LIN7A: variants seen among roughly 807,000 people sequenced by gnomAD.
The protein encoded by LIN7A is lin-7 cell polarity scaffold A.
In LIN7A, 25 loss-of-function variants were observed where a neutral mutation model predicts 29.8. That is an observed-to-expected ratio of 0.84 (90% CI 0.61 to 1.17). The LOEUF is 1.17. Ranked by LOEUF, LIN7A falls within the 50% of genes most tolerant of loss-of-function variation. The pLI is 0.00. For missense variants in LIN7A, 239 were observed against 287.0 expected, an observed-to-expected ratio of 0.83 and a Z score of 1.21; for synonymous variants, 118 against 107.5, an observed-to-expected ratio of 1.10 and a Z score of -0.60.
At chr12:80,915,245 A>G (rs1876974951) in intron 1 of LIN7A, among the ~76,000 whole-genome samples, 1 of 152,156 alleles carries the variant, frequency 6.6e-6, no homozygotes, top group Admixed American at 6.5e-5. Flanking sequence ...AAGACATACA[A>G]GTGACTAATG....
chr12:80,828,432 G>A (rs1302876030), intron 4 of LIN7A, among the ~76,000 whole-genome samples: 1 of 152,014 alleles, frequency 6.6e-6, no homozygotes, highest in African/African-American at 2.4e-5. Context: ...AAATCTCCAA[G>A]ACATTATTAA....
At chr12:80,866,642 A>G (rs1874149002) in intron 2 of LIN7A, among the ~76,000 whole-genome samples, 1 of 152,180 alleles carries the variant, frequency 6.6e-6, no homozygotes, top group Non-Finnish European at 1.5e-5. Context: ...ATGGGCTGAG[A>G]GCTGGGCATT....
chr12:80,920,117 A>G (rs1877228186), intron 1 of LIN7A, among the ~76,000 whole-genome samples: 1 of 152,182 alleles, frequency 6.6e-6, no homozygotes, highest in South Asian at 2.1e-4. Flanking sequence ...TAGTTCACAG[A>G]CCAGTCTCCG....
intron 2 of LIN7A, among the ~76,000 whole-genome samples, chr12:80,882,717 TAATC>T (rs1354085230): frequency 6.6e-6 from 1 of 152,256 alleles, no homozygotes; most frequent in Non-Finnish European, 1.5e-5. Context: ...TTTTATCACT[TAATC>T]CATCAAAATT....
intron 5 of LIN7A, among the ~76,000 whole-genome samples, chr12:80,807,855 A>G (rs1871117795): frequency 1.3e-5 from 2 of 152,186 alleles, no homozygotes; most frequent in Admixed American, 1.3e-4. Context: ...TGCCTGGACT[A>G]CTACACATTA....
intron 1 of LIN7A, among the ~76,000 whole-genome samples, chr12:80,928,132 A>G (rs1189461580): frequency 6.6e-6 from 1 of 152,042 alleles, no homozygotes; most frequent in East Asian, 1.9e-4. Flanking sequence ...GTTGGTTCCA[A>G]GTCTTTGCTG....
intron 2 of LIN7A, among the ~76,000 whole-genome samples, chr12:80,885,232 T>C (rs1875266856): frequency 6.6e-6 from 1 of 152,156 alleles, no homozygotes; most frequent in African/African-American, 2.4e-5. Flanking sequence ...CAACATTTCA[T>C]AATCATCATA....
intron 2 of LIN7A, among the ~76,000 whole-genome samples, chr12:80,867,131 T>G (rs568510946): frequency 6.6e-6 from 1 of 152,214 alleles, no homozygotes; most frequent in East Asian, 1.9e-4. Flanking sequence ...TTCACATTTT[T>G]TGTAGAGACA....
At chr12:80,818,515 G>C (rs559200529) in intron 4 of LIN7A, among the ~76,000 whole-genome samples, 4 of 152,098 alleles carry the variant, frequency 2.6e-5, no homozygotes, top group Non-Finnish European at 4.4e-5. Flanking sequence ...TTCTAGAGTC[G>C]AGGCTCTTAC....
At chr12:80,863,826 G>C (rs751968515) in intron 2 of LIN7A, among the ~76,000 whole-genome samples, 1 of 152,096 alleles carries the variant, frequency 6.6e-6, no homozygotes, top group Non-Finnish European at 1.5e-5. Flanking sequence ...CATAGGGTAA[G>C]GACATTTCTT....
At chr12:80,846,983 T>C (rs1873107334) in intron 3 of LIN7A, among the ~76,000 whole-genome samples, 1 of 152,214 alleles carries the variant, frequency 6.6e-6, no homozygotes, top group Non-Finnish European at 1.5e-5. Flanking sequence ...TACCTTCTTT[T>C]CCACACACAG....
chr12:80,838,043 A>T (rs922136755), intron 4 of LIN7A, among the ~76,000 whole-genome samples: 1 of 152,236 alleles, frequency 6.6e-6, no homozygotes, highest in Admixed American at 6.5e-5. Context: ...AATAAATGGT[A>T]AAAATAACTA....
chr12:80,853,899 G>A (rs1282820566), intron 2 of LIN7A, among the ~76,000 whole-genome samples: 1 of 152,014 alleles, frequency 6.6e-6, no homozygotes, highest in Non-Finnish European at 1.5e-5. Flanking sequence ...TCACTATATT[G>A]TTCAGGCTGG....
chr12:80,841,679 T>C (rs928924217), intron 4 of LIN7A: 1 of 155,632 alleles, frequency 6.4e-6, no homozygotes, highest in African/African-American at 2.4e-5. Context: ...CTTATTAAAA[T>C]AGGCCTATTG....
chr12:80,845,050 A>G (rs2121548836), intron 4 of LIN7A, among the ~76,000 whole-genome samples: 1 of 152,102 alleles, frequency 6.6e-6, no homozygotes, highest in Admixed American at 6.6e-5. Context: ...AATCCTGGCT[A>G]ACATGGTGAA....
At chr12:80,936,617 C>G (rs1257088536) in intron 1 of LIN7A, 2 of 152,334 alleles carry the variant, frequency 1.3e-5, no homozygotes, top group African/African-American at 4.8e-5. Flanking sequence ...AGGACTCGAG[C>G]GCCTTCATCA....
intron 2 of LIN7A, among the ~76,000 whole-genome samples, chr12:80,854,047 A>G (rs566912788): frequency 6.6e-6 from 1 of 152,354 alleles, no homozygotes; most frequent in African/African-American, 2.4e-5. Context: ...TGGTACAGCT[A>G]TTTGAGAAAA....
At chr12:80,857,923 G>A (rs1873684368) in intron 2 of LIN7A, among the ~76,000 whole-genome samples, 1 of 152,154 alleles carries the variant, frequency 6.6e-6, no homozygotes, top group African/African-American at 2.4e-5. Flanking sequence ...GATGAGTAAA[G>A]GATGGGGAGA....
At chr12:80,836,274 C>T (rs1872586015) in intron 4 of LIN7A, among the ~76,000 whole-genome samples, 1 of 152,174 alleles carries the variant, frequency 6.6e-6, no homozygotes, top group Non-Finnish European at 1.5e-5. Flanking sequence ...TATCTCAAGA[C>T]CTTCACACAA....
Sources: gnomAD v4.1 joint callset for allele counts (sites outside exome capture counted in the v4.1 genomes callset) on GRCh38, gnomAD v4.1.1 for gene constraint, MANE v1.5 for transcripts, NCBI Gene and HGNC (gene_info 2026-07-23, HGNC 2026-07-21) for gene names.